The following OTOF variants were observed in gnomAD, a reference collection of about 807,000 sequenced individuals.
OTOF encodes otoferlin.
A neutral mutation model predicts 236.8 loss-of-function variants in OTOF; 218 were observed. The observed-to-expected ratio is 0.92, with a 90% CI of 0.82 to 1.03. OTOF has a LOEUF of 1.03. Among genes scored for constraint, OTOF ranks in the 50% least tolerant of loss-of-function variants. OTOF has a pLI of 0.00. For synonymous variants in OTOF, 1,041 were observed against 1,072.5 expected, an observed-to-expected ratio of 0.97 and a Z score of 0.57; for missense variants, 2,590 against 2,694.4, an observed-to-expected ratio of 0.96 and a Z score of 0.86.
At chr2:26,491,342 A>T (rs1665836460) in intron 9 of OTOF, among the ~76,000 whole-genome samples, 1 of 152,242 alleles carries the variant, frequency 6.6e-6, no homozygotes, top group East Asian at 1.9e-4. Flanking sequence ...AAGTGAGGAC[A>T]ACCCAAGTGG....
chr2:26,481,277 G>T lies in OTOF; in HGVS notation c.1580-268C>A, dbSNP rs190929614. On this transcript the variant is annotated intron_variant, in intron 14 of 46. Transcript: ENST00000272371. ...CTTCCTGGAACTTAGAGCAGGAATTGTCAACAGTCTACTTGTAGGACAGAG... is the reference window on the plus strand; with the variant it reads ...CTTCCTGGAACTTAGAGCAGGAATTTTCAACAGTCTACTTGTAGGACAGAG... 4.6e-5 allele frequency among the ~76,000 whole-genome samples: 7 copies of T among 152,354 alleles called. No homozygotes were observed. The East Asian group carries it at 1.4e-3, about 29-fold the overall frequency.
intron 1 of OTOF, among the ~76,000 whole-genome samples, chr2:26,542,018 C>A (rs1419023664): frequency 6.6e-6 from 1 of 152,172 alleles, no homozygotes; most frequent in African/African-American, 2.4e-5. Flanking sequence ...TAACAAGTGC[C>A]ATGGTATCAG....
In OTOF at chr2:26,460,326, C is replaced by T. The variant is rs79926468; in HGVS notation, c.5814-121G>A. ...GCTGTGTGTGCAGTTCTAGGCACCC[C>T]TCTGGCCATCAAGGCTGGCCATGGC... is the stretch of plus-strand genomic sequence containing the variant. On this transcript the variant is annotated intron_variant, in intron 45 of 46. Transcript: ENST00000272371. The surrounding 1 kb of genome is among the most constrained non-coding windows in gnomAD (Gnocchi z 5.3). The T allele has an allele frequency of 2.5e-3, 2,097 of 835,004 alleles. 38 individuals carry two copies. The African/African-American group carries it at 0.031, about 12-fold the overall frequency. The allele number at this position is 835,004 out of a possible 1,614,324, so 51.7% of individuals were successfully genotyped here.
At chr2:26,506,453 A>G (rs1255353028) in intron 5 of OTOF, among the ~76,000 whole-genome samples, 1 of 151,874 alleles carries the variant, frequency 6.6e-6, no homozygotes, top group African/African-American at 2.4e-5. Context: ...CTGAGATGGT[A>G]GGTTAGAAGC....
In OTOF at chr2:26,483,500, C is replaced by G. The variant is rs758451807; in HGVS notation, c.1354G>C (p.Val452Leu). 1.2e-6 allele frequency: 2 copies of G among 1,613,818 alleles called. No homozygotes were observed. The highest frequency in any genetic ancestry group is 2.2e-5 in the East Asian group (1 of 44,902). Residue 452 changes from valine to leucine, a missense_variant, in exon 13 of 47, where the codon GTG (valine) becomes CTG (leucine). This residue lies in a region of OTOF where 1,379 missense variants were observed against 1,341.6 expected (regional missense o/e 1.03). Transcript: ENST00000272371. ...KAFIGENKDL[V>L]DPYVQVFFAG... ...AAGAAGACTTGCACGTAGGGGTCCA[C>G]GAGGTCCTTGTTTTCACCGATGAAA...
Position 26,470,438 on chromosome 2 carries a change from T to C in OTOF, c.4023+155A>G, listed in dbSNP as rs770240119. Among the ~76,000 whole-genome samples, 3 of 151,504 alleles carry C rather than the reference T, an allele frequency of 2.0e-5. No individual in the cohort carries two copies. Among genetic ancestry groups the C allele is most frequent in the Non-Finnish European group, 4.4e-5 (3 of 67,904 alleles). The stretch of plus-strand genomic sequence containing the variant: ...TGGGACCATCATCTTGGAAGGTGAG[T>C]TCTGAGCTAGGATTTCAAGGATGTG... On this transcript the variant is annotated intron_variant, in intron 32 of 46. Coordinates refer to ENST00000272371, the MANE Select transcript of OTOF (RefSeq NM_194248.3). This position sits in a 1 kb window ranked among gnomAD's most constrained non-coding sequence, Gnocchi z 4.3.
intron 5 of OTOF, among the ~76,000 whole-genome samples, chr2:26,507,790 C>A (rs543777560): frequency 6.6e-6 from 1 of 152,202 alleles, no homozygotes. Context: ...CCTGTGGCTA[C>A]ATTCACCATG....
chr2:26,475,096 G>T (rs935869174), intron 25 of OTOF, among the ~76,000 whole-genome samples: 12 of 152,110 alleles, frequency 7.9e-5, no homozygotes, highest in African/African-American at 2.9e-4. Flanking sequence ...GTGACAGCAG[G>T]ACTTGCTGGC....
At chr2:26,466,586 C>T (rs1340012351) in intron 36 of OTOF, 128 bp downstream of exon 36, 18 of 1,115,448 alleles carry the variant, frequency 1.6e-5, no homozygotes, top group Non-Finnish European at 2.4e-5. Context: ...ATCCTCCTGC[C>T]TTGGCCTCCC....
intron 5 of OTOF, chr2:26,510,671 C>T (rs537096748): frequency 2.9e-5 from 37 of 1,274,364 alleles, no homozygotes; most frequent in East Asian, 1.1e-4. Flanking sequence ...TCCCCAGAGA[C>T]GCTGTTGCGT....
intron 13 of OTOF, among the ~76,000 whole-genome samples, chr2:26,482,998 TGTGTG>T (rs1665598688): frequency 2.2e-5 from 1 of 46,282 alleles, no homozygotes; most frequent in Admixed American, 2.0e-4. Flanking sequence ...AGTGGGTGCA[TGTGTG>T]CATGTGTGAA....
chr2:26,530,346 A>G (rs13391781), intron 2 of OTOF, among the ~76,000 whole-genome samples: 28,979 of 151,890 alleles, frequency 0.19, 3,073 homozygotes, highest in African/African-American at 0.27. Context: ...GGCACAGGAG[A>G]CAGGGGGCTT....
rs1044542401 is a variant in OTOF, at chr2:26,460,624, G to A, written c.5813+23C>T. 1.3e-6 allele frequency: 2 copies of A among 1,586,232 alleles called. No individual in the cohort carries two copies. Among genetic ancestry groups the A allele is most frequent in the East Asian group, 4.5e-5 (2 of 44,698 alleles). ...GCCTCCAAGAGCCAGAGTGGGGAGG[G>A]GCTGGGCCGGCAGGGCACTCACTTG... On this transcript the variant is annotated intron_variant, in intron 45 of 46. Transcript: ENST00000272371. This position sits in a 1 kb window ranked among gnomAD's most constrained non-coding sequence, Gnocchi z 5.3.
chr2:26,497,415 G>A (rs1012111462), intron 8 of OTOF, among the ~76,000 whole-genome samples: 10 of 152,256 alleles, frequency 6.6e-5, no homozygotes, highest in African/African-American at 2.4e-4. Context: ...ATGCGACTCC[G>A]AAGGTTGCTT....
In OTOF at chr2:26,503,843, G is replaced by C. The variant is rs1666181561; in HGVS notation, c.512C>G (p.Ala171Gly). Residue 171 changes from alanine (A) to glycine (G), a missense_variant and splice_region_variant, in exon 6 of 47, where the codon GCC (alanine) becomes GGC (glycine). By Grantham distance (60) the Ala-to-Gly change is moderately conservative. Around this residue, in one of 2 missense-constraint regions of OTOF, gnomAD observed 1,379 missense variants for 1,341.6 expected, o/e 1.03. Transcript: ENST00000272371. ...RPPGEKSFRRAGRSVFSAMKL... is the reference protein window; with the variant it reads ...RPPGEKSFRRGGRSVFSAMKL... ...CATGGCGGAGAACACGCTCCTCCCG[G>C]CTCTGTGAGGGGGGCCACCAGAATG... The C allele has an allele frequency of 3.7e-6, 6 of 1,613,924 alleles. No individual in the cohort carries two copies. Among genetic ancestry groups the C allele is most frequent in the Non-Finnish European group, 5.1e-6 (6 of 1,179,890 alleles).
intron 30 of OTOF, 56 bp downstream of exon 30, chr2:26,472,463 T>C: frequency 6.2e-7 from 1 of 1,608,622 alleles, no homozygotes. Context: ...TCACAGGATG[T>C]GTCACACGAA....
At position 26,460,948 on chromosome 2, in the gene OTOF, C is replaced by A; in HGVS notation, c.5616G>T (p.Glu1872Asp). The A allele has an allele frequency of 6.2e-7, 1 of 1,614,102 alleles. No homozygotes were observed. Among genetic ancestry groups the A allele is most frequent in the Non-Finnish European group, 8.5e-7 (1 of 1,179,994 alleles). The change falls in exon 44 of 47, where the codon GAG (glutamate) becomes GAT (aspartate). Residue 1872 changes from glutamate (E) to aspartate (D), a missense_variant. Glu to Asp is a conservative substitution (Grantham distance 45). Transcript: ENST00000272371. This position sits in a 1 kb window ranked among gnomAD's most constrained non-coding sequence, Gnocchi z 5.3. ...AGATGGACACGAGGGGCACGTCCACCTCCCCGGTGGCCATCTCCATGGTGC... is the reference window on the plus strand; with the variant it reads ...AGATGGACACGAGGGGCACGTCCACATCCCCGGTGGCCATCTCCATGGTGC... ...KQCTMEMATG[E>D]VDVPLVSIFK... is the part of the protein sequence containing the mutation.
At chr2:26,499,631 C>T (rs1036481090) in intron 8 of OTOF, among the ~76,000 whole-genome samples, 3 of 152,104 alleles carry the variant, frequency 2.0e-5, no homozygotes, top group African/African-American at 7.2e-5. Context: ...CCTCAGCCTC[C>T]CAAGTAGCTG....
rs1572394243 is a variant in OTOF at position 26,457,994 on chromosome 2, G to A, written c.*244C>T. 1.3e-6 allele frequency: 2 copies of A among 1,575,832 alleles called. No homozygotes were observed. Among genetic ancestry groups the A allele is most frequent in the East Asian group, 2.2e-5 (1 of 44,640 alleles). ...TGGGAAAGAGTCCAAGCCACTGAAA[G>A]GAAATGCGGCAGGGCTGGGGAGCGG... On this transcript the variant is annotated 3_prime_UTR_variant, in exon 47 of 47. Transcript: ENST00000272371. The surrounding 1 kb of genome is among the most constrained non-coding windows in gnomAD (Gnocchi z 4.4).
Sources: gnomAD v4.1 joint callset for allele counts (sites outside exome capture counted in the v4.1 genomes callset) on GRCh38, gnomAD v4.1.1 for gene constraint, gnomAD v4.1.1 regional missense constraint, Gnocchi (gnomAD v3.1) non-coding constraint, MANE v1.5 for transcripts, NCBI Gene and HGNC (gene_info 2026-07-23, HGNC 2026-07-21) for gene names.